The following CDH13 variants were observed in gnomAD, a reference collection of about 807,000 sequenced individuals.
CDH13 encodes cadherin-13.
CDH13 carries 24 observed loss-of-function variants against 63.8 expected under a neutral mutation model. The observed-to-expected ratio is 0.38, with a 90% CI of 0.27 to 0.53. CDH13 has a LOEUF of 0.53. Among genes scored for constraint, CDH13 ranks in the 20% least tolerant of loss-of-function variants. The pLI, the probability that CDH13 is intolerant of heterozygous loss-of-function variation, is 0.85. For synonymous variants in CDH13, 503 were observed against 355.3 expected, an observed-to-expected ratio of 1.42 and a Z score of -4.67; for missense variants, 1,049 against 903.1, an observed-to-expected ratio of 1.16 and a Z score of -2.07.
At chr16:83,461,348 A>T (rs1229863886) in intron 6 of CDH13, among the ~76,000 whole-genome samples, 4 of 152,164 alleles carry the variant, frequency 2.6e-5, no homozygotes, top group Non-Finnish European at 5.9e-5. Flanking sequence ...TCAATAATTT[A>T]TTAAAATCTG....
intron 4 of CDH13, among the ~76,000 whole-genome samples, chr16:83,157,460 A>G (rs1448756265): frequency 1.3e-5 from 2 of 152,208 alleles, no homozygotes; most frequent in African/African-American, 4.8e-5. Context: ...TTTACATTAT[A>G]GTTATATTTT....
At chr16:83,186,049 C>G (rs1426150095) in intron 4 of CDH13, among the ~76,000 whole-genome samples, 1 of 150,146 alleles carries the variant, frequency 6.7e-6, no homozygotes, top group Non-Finnish European at 1.5e-5. Context: ...TAAATTAGCT[C>G]TTTTAAAATT....
At chr16:83,390,508 A>G (rs1042052987) in intron 6 of CDH13, among the ~76,000 whole-genome samples, 11 of 151,854 alleles carry the variant, frequency 7.2e-5, no homozygotes, top group African/African-American at 2.4e-4. Flanking sequence ...TTGCCTAAAG[A>G]TAATGTGTGA....
At chr16:83,363,293 T>C (rs1396956661) in intron 6 of CDH13, among the ~76,000 whole-genome samples, 1 of 152,238 alleles carries the variant, frequency 6.6e-6, no homozygotes, top group East Asian at 1.9e-4. Flanking sequence ...TCTTTGGACT[T>C]TCCTTTGTGG....
intron 3 of CDH13, among the ~76,000 whole-genome samples, chr16:83,074,103 C>T (rs1339336852): frequency 6.6e-6 from 1 of 152,120 alleles, no homozygotes; most frequent in East Asian, 1.9e-4. Context: ...TGTCTACTGC[C>T]TGTTTGTACT....
intron 4 of CDH13, among the ~76,000 whole-genome samples, chr16:83,208,025 C>T (rs1055570744): frequency 6.6e-6 from 1 of 152,170 alleles, no homozygotes; most frequent in African/African-American, 2.4e-5. Context: ...TTCCCAAGTG[C>T]TCCATCTTGC....
intron 4 of CDH13, among the ~76,000 whole-genome samples, chr16:83,156,437 C>T (rs1219599845): frequency 1.3e-5 from 2 of 152,134 alleles, no homozygotes; most frequent in Non-Finnish European, 2.9e-5. Flanking sequence ...AAGATACACA[C>T]CCCATCTACA....
intron 5 of CDH13, among the ~76,000 whole-genome samples, chr16:83,274,093 C>T (rs376348213): frequency 1.2e-4 from 18 of 152,344 alleles, no homozygotes; most frequent in African/African-American, 3.6e-4. Flanking sequence ...TACACCCTCT[C>T]GCCTTCCCCC....
intron 5 of CDH13, among the ~76,000 whole-genome samples, chr16:83,284,741 TTAG>T (rs1269055402): frequency 1.3e-5 from 2 of 152,032 alleles, no homozygotes; most frequent in Non-Finnish European, 2.9e-5. Flanking sequence ...ATAAGTATGA[TTAG>T]TAATAAATGA....
chr16:83,648,802 T>A (rs181539732), intron 8 of CDH13, among the ~76,000 whole-genome samples: 1 of 152,260 alleles, frequency 6.6e-6, no homozygotes, highest in East Asian at 1.9e-4. Context: ...TTTTCTTCCT[T>A]ATCTATCCCC....
At chr16:83,117,004 C>T (rs1055126313) in intron 3 of CDH13, among the ~76,000 whole-genome samples, 6 of 152,304 alleles carry the variant, frequency 3.9e-5, no homozygotes, top group Middle Eastern at 3.4e-3. Flanking sequence ...CATCGTAGGA[C>T]GATGAGCGCT....
At chr16:83,279,847 T>TG (rs1192980566) in intron 5 of CDH13, among the ~76,000 whole-genome samples, 2 of 151,942 alleles carry the variant, frequency 1.3e-5, no homozygotes, top group African/African-American at 2.4e-5. Flanking sequence ...ACATGATTTT[T>TG]TTTTTTGCTT....
chr16:83,759,877 A>C (rs1015766472), intron 11 of CDH13, among the ~76,000 whole-genome samples: 6 of 149,598 alleles, frequency 4.0e-5, no homozygotes, highest in Non-Finnish European at 7.5e-5. Context: ...GCAGTGAGCC[A>C]TGATCACACC....
At position 83,749,742 on chromosome 16, in the gene CDH13, A is replaced by C. The variant is rs1645843; in HGVS notation, c.1681+1492A>C. Among the ~76,000 whole-genome samples the C allele has an allele frequency of 3.3e-3, 499 of 152,036 alleles. 2 individuals carry two copies. The highest frequency in any genetic ancestry group is 0.011 in the African/African-American group (470 of 41,474). On this transcript the variant is annotated intron_variant, in intron 11 of 13. Transcript: ENST00000567109. ...GTCCTTGTGTTCAGAGGGCTCATGA[A>C]TTATTTGGAAGGTTAGTCAAGTACA...
intron 1 of CDH13, among the ~76,000 whole-genome samples, chr16:82,853,146 A>G (rs965899703): frequency 6.6e-6 from 1 of 152,162 alleles, no homozygotes; most frequent in Non-Finnish European, 1.5e-5. Context: ...ACTTTAAAGG[A>G]TGCTTGGTGT....
chr16:83,090,987 T>C (rs115458104), intron 3 of CDH13, among the ~76,000 whole-genome samples: 2,591 of 152,240 alleles, frequency 0.017, 71 homozygotes, highest in African/African-American at 0.059. Context: ...ATAAACATAA[T>C]ATATATGTTT....
chr16:82,930,394 C>T (rs931254743), intron 2 of CDH13, among the ~76,000 whole-genome samples: 63 of 152,242 alleles, frequency 4.1e-4, no homozygotes, highest in African/African-American at 1.5e-3. Context: ...GCACCAGGTA[C>T]TTTTCTAAGC....
At chr16:83,291,370 G>A (rs1004071889) in intron 5 of CDH13, among the ~76,000 whole-genome samples, 4 of 151,536 alleles carry the variant, frequency 2.6e-5, no homozygotes, top group African/African-American at 7.3e-5. Context: ...TTGTACCCCC[G>A]CTTTGTACCC....
At chr16:83,263,379 T>C (rs578199493) in intron 5 of CDH13, among the ~76,000 whole-genome samples, 35 of 152,324 alleles carry the variant, frequency 2.3e-4, no homozygotes, top group African/African-American at 7.7e-4. Flanking sequence ...GCTGATAGTG[T>C]TGTACTGAAC....
Sources: allele counts gnomAD v4.1 joint callset (sites outside exome capture counted in the v4.1 genomes callset), GRCh38; gene constraint gnomAD v4.1.1; transcripts MANE v1.5; gene names NCBI Gene and HGNC (gene_info 2026-07-23, HGNC 2026-07-21).